RANBP2: variants seen among roughly 807,000 people sequenced by gnomAD.
The protein encoded by RANBP2 is E3 SUMO-protein ligase RanBP2.
RANBP2 carries 57 observed loss-of-function variants against 303.6 expected under a neutral mutation model. The ratio of observed to expected loss-of-function variants is 0.19; its 90% CI spans 0.15 to 0.23. RANBP2 has a LOEUF of 0.23. Ranked by LOEUF, RANBP2 falls within the 10% of genes least tolerant of loss-of-function variation. The pLI is 1.00. For synonymous variants in RANBP2, 1,167 were observed against 1,301.5 expected, an observed-to-expected ratio of 0.90 and a Z score of 2.23; for missense variants, 3,138 against 3,780.8, an observed-to-expected ratio of 0.83 and a Z score of 4.46.
chr2:109,369,598 T>A, the RANBP2 span, among the ~76,000 whole-genome samples: 1 of 152,070 alleles, frequency 6.6e-6, no homozygotes. Context: ...ATGGGGAAAG[T>A]GAGGGGTGTG....
the RANBP2 span, among the ~76,000 whole-genome samples, chr2:108,977,227 G>A: frequency 6.6e-6 from 1 of 152,038 alleles, no homozygotes; most frequent in Non-Finnish European, 1.5e-5. Flanking sequence ...TGCCTTTGCC[G>A]CCGGGAGATC....
chr2:109,032,961 A>C, the RANBP2 span, among the ~76,000 whole-genome samples: 1 of 152,116 alleles, frequency 6.6e-6, no homozygotes, highest in Non-Finnish European at 1.5e-5. Context: ...CTCATATTTG[A>C]CCCATGTCAT....
At chr2:109,011,568 C>G in the RANBP2 span, among the ~76,000 whole-genome samples, 1 of 152,116 alleles carries the variant, frequency 6.6e-6, no homozygotes, top group Non-Finnish European at 1.5e-5. Flanking sequence ...GCTCAGTGGG[C>G]CCAAATTTTA....
At chr2:108,969,241 C>A in the RANBP2 span, among the ~76,000 whole-genome samples, 6 of 152,084 alleles carry the variant, frequency 3.9e-5, no homozygotes, top group African/African-American at 1.4e-4. Context: ...CTTCTCTCTG[C>A]CCTCAGCTCC....
chr2:109,353,273 C>G, the RANBP2 span, among the ~76,000 whole-genome samples: 1 of 152,238 alleles, frequency 6.6e-6, no homozygotes, highest in African/African-American at 2.4e-5. Flanking sequence ...AGCCCACTGC[C>G]TCCCTGGGCC....
the RANBP2 span, among the ~76,000 whole-genome samples, chr2:109,412,988 T>G: frequency 2.0e-5 from 3 of 152,198 alleles, no homozygotes; most frequent in Non-Finnish European, 4.4e-5. Context: ...TGGGGCATTC[T>G]GTGTCCTTGT....
chr2:109,115,955 G>A, the RANBP2 span, among the ~76,000 whole-genome samples: 1 of 152,170 alleles, frequency 6.6e-6, no homozygotes, highest in Non-Finnish European at 1.5e-5. Flanking sequence ...GTTGAATATT[G>A]GCCCCCACTC....
At chr2:109,315,808 C>T in the RANBP2 span, among the ~76,000 whole-genome samples, 3 of 152,258 alleles carry the variant, frequency 2.0e-5, no homozygotes, top group Non-Finnish European at 2.9e-5. Flanking sequence ...GAAGGGACGT[C>T]GTCGCTTTTC....
chr2:109,124,322 CCA>C, the RANBP2 span: 2 of 152,224 alleles, frequency 1.3e-5, no homozygotes, highest in African/African-American at 4.8e-5. Flanking sequence ...TTACAGGTGC[CCA>C]CCACCACATC....
chr2:109,574,564 T>C, the RANBP2 span: 1 of 1,459,994 alleles, frequency 6.8e-7, no homozygotes, highest in Admixed American at 2.5e-5. Context: ...GTAAGTTGAT[T>C]CCTTTCCTCA....
the RANBP2 span, among the ~76,000 whole-genome samples, chr2:109,555,683 A>G: frequency 6.6e-6 from 1 of 152,202 alleles, no homozygotes; most frequent in Non-Finnish European, 1.5e-5. Flanking sequence ...CCTGTTAGCA[A>G]TAATATGAAC....
At chr2:109,238,295 A>G in the RANBP2 span, among the ~76,000 whole-genome samples, 4 of 152,226 alleles carry the variant, frequency 2.6e-5, no homozygotes, top group Non-Finnish European at 5.9e-5. Flanking sequence ...GATGGCAAGT[A>G]CACTAATATC....
chr2:109,075,025 C>CAAAAAA, the RANBP2 span, among the ~76,000 whole-genome samples: 13 of 44,662 alleles, frequency 2.9e-4, no homozygotes, highest in Admixed American at 6.4e-4. Context: ...GTCTCCATCT[C>CAAAAAA]AAAAAAAAAA....
chr2:109,258,676 G>A, the RANBP2 span, among the ~76,000 whole-genome samples: 2 of 152,362 alleles, frequency 1.3e-5, no homozygotes, highest in South Asian at 2.1e-4. Flanking sequence ...GAGCCTGACT[G>A]TGTGGCAGCC....
At chr2:109,299,420 A>G in the RANBP2 span, among the ~76,000 whole-genome samples, 2 of 149,910 alleles carry the variant, frequency 1.3e-5, no homozygotes, top group African/African-American at 4.8e-5. Context: ...TTGAGTGGCC[A>G]TCCTTAAGAT....
the RANBP2 span, among the ~76,000 whole-genome samples, chr2:109,669,015 C>T: frequency 1.3e-5 from 2 of 152,008 alleles, no homozygotes; most frequent in African/African-American, 4.8e-5. Context: ...TGAAAACAGA[C>T]AAATAGATCA....
chr2:109,638,975 C>G, the RANBP2 span, among the ~76,000 whole-genome samples: 4 of 152,188 alleles, frequency 2.6e-5, no homozygotes, highest in African/African-American at 9.7e-5. Context: ...AAAGCCTGCA[C>G]CCAGCAGATG....
chr2:109,045,849 C>T, the RANBP2 span, among the ~76,000 whole-genome samples: 11 of 152,186 alleles, frequency 7.2e-5, no homozygotes, highest in Non-Finnish European at 1.2e-4. Flanking sequence ...TCCAGAACAA[C>T]CATGTGCTGT....
chr2:108,896,949 C>G, the RANBP2 span: 1 of 1,613,352 alleles, frequency 6.2e-7, no homozygotes, highest in South Asian at 1.1e-5. Flanking sequence ...GCACAACCCC[C>G]GCCCACTCCA....
Sources: gnomAD v4.1 joint callset for allele counts (sites outside exome capture counted in the v4.1 genomes callset) on GRCh38, gnomAD v4.1.1 for gene constraint, MANE v1.5 for transcripts, NCBI Gene and HGNC (gene_info 2026-07-23, HGNC 2026-07-21) for gene names.